The following C22orf23 variants were observed in gnomAD, a reference collection of about 807,000 sequenced individuals.
C22orf23 encodes the protein UPF0193 protein EVG1.
In C22orf23, 30 loss-of-function variants were observed where a neutral mutation model predicts 29.7. That is an observed-to-expected ratio of 1.01 (90% CI 0.76 to 1.37). The LOEUF (loss-of-function observed/expected upper bound fraction) is 1.37, where lower values mean the gene tolerates loss of function less well. Among genes scored for constraint, C22orf23 ranks in the 40% most tolerant of loss-of-function variants. The pLI is 0.00. For synonymous variants in C22orf23, 90 were observed against 96.1 expected, an observed-to-expected ratio of 0.94 and a Z score of 0.37; for missense variants, 237 against 273.1, an observed-to-expected ratio of 0.87 and a Z score of 0.93.
At chr22:37,952,427 T>G (rs1931104765) in intron 2 of C22orf23, among the ~76,000 whole-genome samples, 1 of 152,120 alleles carries the variant, frequency 6.6e-6, no homozygotes, top group East Asian at 1.9e-4. Flanking sequence ...GAAGTCTTCC[T>G]CGGGAAAGTT....
At chr22:37,944,728 G>T in intron 5 of C22orf23, 4 of 566,078 alleles carry the variant, frequency 7.1e-6, no homozygotes, top group Non-Finnish European at 1.2e-5. Flanking sequence ...GTGAAACCCC[G>T]TGTCTACTAA....
intron 6 of C22orf23, 83 bp downstream of exon 6, chr22:37,944,334 C>A: frequency 6.2e-7 from 1 of 1,613,496 alleles, no homozygotes; most frequent in Non-Finnish European, 8.5e-7. Flanking sequence ...GACCCCTGAA[C>A]CCTGCCACAG....
rs775381490 is a variant in C22orf23, at chr22:37,953,073, G to T, written c.77C>A (p.Thr26Asn). ...FRRRPKTITYTPGTCELLRVM... is the reference protein window; with the variant it reads ...FRRRPKTITYNPGTCELLRVM... ...TCTGAGCAGCTCGCAGGTCCCCGGGGTGTAAGTGATGGTCTTGGGGCGGCG... is the reference window on the plus strand; with the variant it reads ...TCTGAGCAGCTCGCAGGTCCCCGGGTTGTAAGTGATGGTCTTGGGGCGGCG... Residue 26 changes from threonine to asparagine, a missense_variant, in exon 2 of 7, where the codon ACC becomes AAC. By Grantham distance (65) the Thr-to-Asn change is moderately conservative. Transcript: ENST00000403305. 1 of 1,613,974 alleles carries T rather than the reference G, an allele frequency of 6.2e-7. No homozygotes were observed. Among genetic ancestry groups the T allele is most frequent in the South Asian group, 1.1e-5 (1 of 91,068 alleles).
intron 2 of C22orf23, among the ~76,000 whole-genome samples, chr22:37,951,949 G>C (rs992740557): frequency 6.6e-6 from 1 of 151,250 alleles, no homozygotes; most frequent in Non-Finnish European, 1.5e-5. Flanking sequence ...CCAAGTAGCT[G>C]GGATTACAGA....
rs946702436 is a variant in C22orf23 at position 37,951,342 on chromosome 22, C to T, written c.166+118G>A. The T allele has an allele frequency of 7.8e-6, 7 of 901,988 alleles. No homozygotes were observed. The Admixed American group carries it at 8.5e-5, about 11-fold the overall frequency. The allele number at this position is 901,988 out of a possible 1,614,324, so 55.9% of individuals were successfully genotyped here. The stretch of plus-strand genomic sequence containing the variant: ...GTGTTGGAATTACAGGCATGAGCCA[C>T]GTGCCCGGCTGTCTTTGTTTTTTTT... On this transcript the variant is annotated intron_variant, in intron 3 of 6. Transcript: ENST00000403305.
chr22:37,945,081 G>A lies in C22orf23; in HGVS notation c.442C>T (p.Gln148Ter), dbSNP rs769824320. ...ERKRKAPPAR[Q>*]KAPAPELDRF... is the part of the protein sequence containing the mutation. ...TCTAGCTCAGGGGCTGGAGCCTTCT[G>A]TCGTGCAGGAGGGGCCTTTCTTTTC... The change falls in exon 5 of 7, where the codon CAG becomes TAG. Residue 148 changes from glutamine to a stop codon, truncating the protein, a stop_gained. Coordinates refer to ENST00000403305, the MANE Select transcript of C22orf23 (RefSeq NM_032561.5). LOFTEE classifies it high-confidence loss of function. 28 of 1,613,404 alleles carry A rather than the reference G, an allele frequency of 1.7e-5. No homozygotes were observed. Among genetic ancestry groups the A allele is most frequent in the Non-Finnish European group, 2.4e-5 (28 of 1,179,820 alleles).
Position 37,945,148 on chromosome 22 carries a change from T to G in C22orf23, c.375A>C (p.Arg125Ser). ...TCCCTGTGGCAAAGATATTTTGGAG[T>G]CTTTGTTTCTCCTTCTCCAAATCCC... ...ATRDLEKEKQ[R>S]LQNIFATGKD... Residue 125 changes from arginine to serine, a missense_variant, in exon 5 of 7, where the codon AGA becomes AGC. By Grantham distance (110) the Arg-to-Ser change is moderately radical. Transcript: ENST00000403305. 1 of 1,613,158 alleles carries G rather than the reference T, an allele frequency of 6.2e-7. No homozygotes were observed. Among genetic ancestry groups the G allele is most frequent in the Non-Finnish European group, 8.5e-7 (1 of 1,179,738 alleles).
At chr22:37,952,464 G>C (rs546554996) in intron 2 of C22orf23, 2 of 152,374 alleles carry the variant, frequency 1.3e-5, no homozygotes, top group Admixed American at 1.3e-4. Flanking sequence ...GGATGCATAG[G>C]AGTTAACTAC....
At chr22:37,947,209 G>A in intron 4 of C22orf23, 72 bp downstream of exon 4, 1 of 1,527,012 alleles carries the variant, frequency 6.5e-7, no homozygotes, top group Non-Finnish European at 9.0e-7. Context: ...TGCCCTGTGG[G>A]CTGCTTGCGT....
rs368212266 is a variant in C22orf23, at chr22:37,947,472, C to T, written c.167-9G>A. On this transcript the variant is annotated splice_polypyrimidine_tract_variant and intron_variant, in intron 3 of 6. Coordinates refer to ENST00000403305, the MANE Select transcript of C22orf23 (RefSeq NM_032561.5). ...GGGCAAAGCATCTCCTCCTGGGGAA[C>T]GAAGAGTTGGGGTGGGAGGACCCAC... 3.5e-5 allele frequency: 47 copies of T among 1,354,616 alleles called. No individual in the cohort carries two copies. Among genetic ancestry groups the T allele is most frequent in the African/African-American group, 8.1e-5 (5 of 61,482 alleles). The allele number at this position is 1,354,616 out of a possible 1,614,324, so 83.9% of individuals were successfully genotyped here.
chr22:37,951,482 G>T lies in C22orf23; in HGVS notation c.144C>A (p.Arg48=). The change falls in exon 3 of 7, where the codon CGC becomes CGA. Residue 48 remains arginine, a synonymous_variant. Transcript: ENST00000403305. ...KESKLTNIQQ[R]HIMDIMKRGD... ...TACTTTTCATGATGTCCATGATGTG[G>T]CGCTGCTGGATGTTCGTCAGTTTGG... 2 of 1,613,980 alleles carry T rather than the reference G, an allele frequency of 1.2e-6. No homozygotes were observed. The highest frequency in any genetic ancestry group is 2.2e-5 in the South Asian group (2 of 91,068).
chr22:37,948,910 T>A (rs1930856092), intron 3 of C22orf23, among the ~76,000 whole-genome samples: 2 of 152,204 alleles, frequency 1.3e-5, no homozygotes, highest in African/African-American at 4.8e-5. Flanking sequence ...ACTTATTTTT[T>A]ATAGCTATAT....
rs1247114613 is a variant in C22orf23 at position 37,951,459 on chromosome 22, C to T, written c.166+1G>A. 1 of 1,613,778 alleles carries T rather than the reference C, an allele frequency of 6.2e-7. No homozygotes were observed. Among genetic ancestry groups the T allele is most frequent in the African/African-American group, 1.3e-5 (1 of 74,888 alleles). On this transcript the variant is annotated splice_donor_variant, in intron 3 of 6. Coordinates refer to ENST00000403305, the MANE Select transcript of C22orf23 (RefSeq NM_032561.5). LOFTEE classifies it high-confidence loss of function. ...GGAAGCCTCTGTGGACTGCCCCTTA[C>T]TTTTCATGATGTCCATGATGTGGCG...
At chr22:37,949,896 T>A (rs1293145822) in intron 3 of C22orf23, among the ~76,000 whole-genome samples, 1 of 151,898 alleles carries the variant, frequency 6.6e-6, no homozygotes, top group Non-Finnish European at 1.5e-5. Context: ...TAGAGAGAGG[T>A]TTCACTGTGT....
At chr22:37,948,943 C>T (rs1274096627) in intron 3 of C22orf23, among the ~76,000 whole-genome samples, 2 of 152,136 alleles carry the variant, frequency 1.3e-5, no homozygotes, top group African/African-American at 4.8e-5. Flanking sequence ...AGAATGGATA[C>T]ATTATTTATT....
chr22:37,950,324 C>G (rs1469540484), intron 3 of C22orf23, among the ~76,000 whole-genome samples: 1 of 151,984 alleles, frequency 6.6e-6, no homozygotes, highest in Non-Finnish European at 1.5e-5. Context: ...GTTGGCCAGG[C>G]TGGTCTTGAA....
At chr22:37,947,231 G>A in intron 4 of C22orf23, 50 bp downstream of exon 4, 1 of 1,601,300 alleles carries the variant, frequency 6.2e-7, no homozygotes. Flanking sequence ...CCTCTCCCTT[G>A]TCCTCCCCCA....
At chr22:37,952,209 A>G (rs955549498) in intron 2 of C22orf23, among the ~76,000 whole-genome samples, 1 of 152,214 alleles carries the variant, frequency 6.6e-6, no homozygotes. Context: ...GTTGTTGAGT[A>G]AAAGAACACA....
chr22:37,944,263 G>A lies in C22orf23; in HGVS notation c.583-17C>T, dbSNP rs1930557386. ...CCGGAGTTTCTGCAAAGGGCATCAG[G>A]GAAAGCAGGTGTATCAGGGCTAGGA... On this transcript the variant is annotated splice_polypyrimidine_tract_variant and intron_variant, in intron 6 of 6. Coordinates refer to ENST00000403305, the MANE Select transcript of C22orf23 (RefSeq NM_032561.5). 3.1e-6 allele frequency: 5 copies of A among 1,614,192 alleles called. No individual in the cohort carries two copies. The highest frequency in any genetic ancestry group is 2.5e-6 in the Non-Finnish European group (3 of 1,180,034).
Sources: gnomAD v4.1 joint callset for allele counts (sites outside exome capture counted in the v4.1 genomes callset) on GRCh38, gnomAD v4.1.1 for gene constraint, MANE v1.5 for transcripts, NCBI Gene and HGNC (gene_info 2026-07-23, HGNC 2026-07-21) for gene names.